BORCS8: variants seen among roughly 807,000 people sequenced by gnomAD.
BORCS8 encodes the protein BLOC-1 related complex subunit 8, also known as BLOC-1-related complex subunit 8.
A neutral mutation model predicts 18.7 loss-of-function variants in BORCS8; 13 were observed. The observed-to-expected ratio is 0.70, with a 90% confidence interval of 0.45 to 1.11. The LOEUF (loss-of-function observed/expected upper bound fraction) is 1.11, where lower values mean the gene tolerates loss of function less well. Ranked by LOEUF, BORCS8 falls within the 50% of genes least tolerant of loss-of-function variation. BORCS8 has a pLI of 0.00. For synonymous variants in BORCS8, 68 were observed against 64.8 expected (o/e 1.05, Z -0.24); for missense variants, 165 against 165.7 (o/e 1.00, Z 0.02).
At chr19:19,185,410 G>C (rs2060396335) in intron 3 of BORCS8, among the ~76,000 whole-genome samples, 1 of 152,220 alleles carries the variant, frequency 6.6e-6, no homozygotes, top group Non-Finnish European at 1.5e-5. Context: ...CACCGGCCAG[G>C]CGTGGTGGCT....
Position 19,183,765 on chromosome 19 carries a change from AG to A in BORCS8, c.216-1083del, listed in dbSNP as rs762716371. ...ACACCTGGCTAATTTTTGTACTTTTAGTACATGTTGGTCAGGCTGGTCTCAA... is the reference window on the plus strand; with the variant it reads ...ACACCTGGCTAATTTTTGTACTTTTATACATGTTGGTCAGGCTGGTCTCAA... On this transcript the variant is annotated intron_variant, in intron 3 of 5. Coordinates refer to ENST00000462790, the MANE Select transcript of BORCS8 (RefSeq NM_001145784.2). 4.7e-5 allele frequency among the ~76,000 whole-genome samples: 7 copies of A among 149,336 alleles called. No individual in the cohort carries two copies. In the South Asian group the frequency reaches 1.5e-3, roughly 32 times the overall value.
chr19:19,180,676 C>CG lies in BORCS8; in HGVS notation c.*42+9dup, dbSNP rs1568563907. On this transcript the variant is annotated intron_variant, in intron 5 of 5. Coordinates refer to ENST00000462790, the MANE Select transcript of BORCS8 (RefSeq NM_001145784.2). ...AGAGAGAGAGGCTCGTGGCTACCCT[C>CG]GGCACTGACCTGGGTTGGCGGAGGC... 6.5e-7 allele frequency: 1 copy of CG among 1,527,290 alleles called. No homozygotes were observed. The allele number at this position is 1,527,290 out of a possible 1,614,324, so 94.6% of individuals were successfully genotyped here.
intron 1 of BORCS8, 112 bp from the exon 2 acceptor site, chr19:19,187,117 C>A: frequency 2.7e-6 from 2 of 743,612 alleles, no homozygotes; most frequent in Non-Finnish European, 4.5e-6. Flanking sequence ...CGTGTCCCTC[C>A]GCAGCTAGGT....
chr19:19,187,402 G>C, intron 1 of BORCS8, among the ~76,000 whole-genome samples: 1 of 151,848 alleles, frequency 6.6e-6, no homozygotes, highest in East Asian at 1.9e-4. Flanking sequence ...CTTGAATCTG[G>C]GAGGTGGAGG....
intron 5 of BORCS8, chr19:19,179,814 C>G (rs1284795410): frequency 6.5e-6 from 1 of 152,788 alleles, no homozygotes; most frequent in African/African-American, 2.4e-5. Context: ...CGTGACTGGC[C>G]TCAACGGATG....
intron 1 of BORCS8, among the ~76,000 whole-genome samples, chr19:19,190,575 G>A (rs917543052): frequency 6.6e-6 from 1 of 152,224 alleles, no homozygotes; most frequent in Non-Finnish European, 1.5e-5. Flanking sequence ...GATCACCTGA[G>A]GTTGGGAGTT....
intron 5 of BORCS8, chr19:19,178,579 T>C (rs544930330): frequency 2.0e-5 from 3 of 152,218 alleles, no homozygotes; most frequent in East Asian, 1.9e-4. Flanking sequence ...GTGCTTAAGG[T>C]CCTGGGACAG....
At chr19:19,183,428 T>C (rs62135499) in intron 3 of BORCS8, among the ~76,000 whole-genome samples, 82,269 of 148,784 alleles carry the variant, frequency 0.55, 23,084 homozygotes, top group East Asian at 0.65. Flanking sequence ...AAAAAAAATA[T>C]ACATTTCACT....
intron 1 of BORCS8, among the ~76,000 whole-genome samples, chr19:19,191,274 G>A (rs1368497796): frequency 6.6e-6 from 1 of 151,576 alleles, no homozygotes; most frequent in Non-Finnish European, 1.5e-5. Context: ...AGTGAGCTGA[G>A]ATCCCCCCAC....
rs555737866 is a variant in BORCS8, at chr19:19,191,128, G to A, written c.37+953C>T. On this transcript the variant is annotated intron_variant, in intron 1 of 5. Transcript: ENST00000462790. ...AGCACTTTGGGAGGCCAAGGTGGGT[G>A]GATCACTCGAGGTCAGGAGTTCGAG... is the stretch of plus-strand genomic sequence containing the variant. Among the ~76,000 whole-genome samples, 4 of 152,126 alleles carry A rather than the reference G, an allele frequency of 2.6e-5. No individual in the cohort carries two copies. The East Asian group carries it at 5.8e-4, about 22-fold the overall frequency.
intron 4 of BORCS8, among the ~76,000 whole-genome samples, chr19:19,181,450 A>T (rs1261956777): frequency 6.6e-6 from 1 of 152,208 alleles, no homozygotes; most frequent in African/African-American, 2.4e-5. Context: ...TTACAAAGAG[A>T]GGTGTCAGCA....
chr19:19,183,196 C>T (rs987426578), intron 3 of BORCS8, among the ~76,000 whole-genome samples: 1 of 152,028 alleles, frequency 6.6e-6, no homozygotes, highest in Non-Finnish European at 1.5e-5. Context: ...ATCATGAGGT[C>T]GGGAGGTCAA....
intron 3 of BORCS8, among the ~76,000 whole-genome samples, chr19:19,183,480 T>C (rs995898860): frequency 6.6e-6 from 1 of 152,086 alleles, no homozygotes; most frequent in East Asian, 1.9e-4. Context: ...CCCAGTGGTA[T>C]CTGGGGCAAC....
chr19:19,182,538 G>C lies in BORCS8; in HGVS notation c.326+35C>G. ...GCTGAGAGACGGTCCTTGCAGCTGG[G>C]AGTGGCAGTGGGGGCGGGCGGTCCC... On this transcript the variant is annotated intron_variant, in intron 4 of 5. Transcript: ENST00000462790. The surrounding 1 kb of genome is among the most constrained non-coding windows in gnomAD (Gnocchi z 4.1). 6.5e-7 allele frequency: 1 copy of C among 1,543,436 alleles called. No homozygotes were observed. Among genetic ancestry groups the C allele is most frequent in the African/African-American group, 1.4e-5 (1 of 72,990 alleles).
chr19:19,184,305 CTTTT>C (rs900454275), intron 3 of BORCS8, among the ~76,000 whole-genome samples: 3 of 108,510 alleles, frequency 2.8e-5, no homozygotes, highest in Non-Finnish European at 2.0e-5. Context: ...TTTTTCCTTT[CTTTT>C]TTTTTTTTTT....
intron 4 of BORCS8, 68 bp from the exon 5 acceptor site, chr19:19,180,829 G>A (rs1052745596): frequency 6.8e-7 from 1 of 1,461,488 alleles, no homozygotes; most frequent in African/African-American, 1.4e-5. Flanking sequence ...TCAGCTGGCT[G>A]GAGTGTATGT....
At position 19,182,268 on chromosome 19, in the gene BORCS8, G is replaced by A; in HGVS notation, c.326+305C>T. ...CCGCAGTGTTCTTCACAGCGCATCT[G>A]ACATGCTCTTGTCTGCCATGTTTAC... On this transcript the variant is annotated intron_variant, in intron 4 of 5. Transcript: ENST00000462790. This position sits in a 1 kb window ranked among gnomAD's most constrained non-coding sequence, Gnocchi z 4.1. 1.8e-6 allele frequency: 1 copy of A among 546,230 alleles called. No homozygotes were observed. The highest frequency in any genetic ancestry group is 6.4e-5 in the East Asian group (1 of 15,714). 33.8% of individuals were successfully genotyped at this position (546,230 alleles called of 1,614,324 possible).
At chr19:19,184,597 C>T (rs1366962139) in intron 3 of BORCS8, among the ~76,000 whole-genome samples, 2 of 151,780 alleles carry the variant, frequency 1.3e-5, no homozygotes, top group East Asian at 1.9e-4. Flanking sequence ...CCACCGCGCC[C>T]GGTCTGTTTT....
intron 1 of BORCS8, among the ~76,000 whole-genome samples, chr19:19,191,252 G>A (rs2060470841): frequency 6.6e-6 from 1 of 151,988 alleles, no homozygotes; most frequent in Non-Finnish European, 1.5e-5. Flanking sequence ...CTACTCAGGG[G>A]GCTGAGGTTG....
Sources: gnomAD v4.1 joint callset for allele counts (sites outside exome capture counted in the v4.1 genomes callset) on GRCh38, gnomAD v4.1.1 for gene constraint, Gnocchi (gnomAD v3.1) non-coding constraint, MANE v1.5 for transcripts, NCBI Gene and HGNC (gene_info 2026-07-23, HGNC 2026-07-21) for gene names.